SQOR: variants seen among roughly 807,000 people sequenced by gnomAD.
SQOR encodes the protein sulfide:quinone oxidoreductase, mitochondrial.
A neutral mutation model predicts 48.6 loss-of-function variants in SQOR; 39 were observed. The ratio of observed to expected loss-of-function variants is 0.80; its 90% confidence interval spans 0.62 to 1.05. The LOEUF (loss-of-function observed/expected upper bound fraction) is 1.05, where lower values mean the gene tolerates loss of function less well. SQOR is among the 50% of genes least tolerant of loss of function. The pLI is 0.00. For missense variants in SQOR, 561 were observed against 559.9 expected, an observed-to-expected ratio of 1.00 and a Z score of -0.02; for synonymous variants, 220 against 206.2, an observed-to-expected ratio of 1.07 and a Z score of -0.57.
At chr15:45,665,520 G>A (rs2140951432) in intron 3 of SQOR, among the ~76,000 whole-genome samples, 1 of 129,832 alleles carries the variant, frequency 7.7e-6, no homozygotes, top group South Asian at 3.0e-4. Context: ...TTTTTAGATT[G>A]CACAAAATTA....
intron 1 of SQOR, among the ~76,000 whole-genome samples, chr15:45,656,925 C>T (rs1297439738): frequency 6.6e-6 from 1 of 152,048 alleles, no homozygotes; most frequent in Admixed American, 6.5e-5. Flanking sequence ...ATGGCTCAGC[C>T]TCCCTAGTAG....
chr15:45,654,201 A>G (rs147745199), intron 1 of SQOR, among the ~76,000 whole-genome samples: 2 of 151,970 alleles, frequency 1.3e-5, no homozygotes, highest in East Asian at 3.9e-4. Context: ...ACATTGCATC[A>G]TGCTCCACCT....
chr15:45,683,327 T>C (rs6493166), intron 7 of SQOR, among the ~76,000 whole-genome samples: 2 of 152,036 alleles, frequency 1.3e-5, no homozygotes, highest in African/African-American at 4.8e-5. Flanking sequence ...TCGAGGAGCA[T>C]TTGTTTTCCC....
intron 1 of SQOR, among the ~76,000 whole-genome samples, chr15:45,650,484 A>G (rs1196493461): frequency 7.2e-5 from 11 of 152,334 alleles, no homozygotes; most frequent in African/African-American, 2.4e-4. Flanking sequence ...GGGTAATGCC[A>G]GTGTGGACTC....
intron 1 of SQOR, among the ~76,000 whole-genome samples, chr15:45,654,693 G>C (rs1297727698): frequency 6.6e-6 from 1 of 152,066 alleles, no homozygotes; most frequent in East Asian, 1.9e-4. Flanking sequence ...AAGGAGTTTC[G>C]GAGTGGAGGT....
intron 4 of SQOR, among the ~76,000 whole-genome samples, chr15:45,670,220 A>G (rs1311933432): frequency 6.6e-6 from 1 of 152,256 alleles, no homozygotes; most frequent in Non-Finnish European, 1.5e-5. Flanking sequence ...TCATGCCTTA[A>G]TGATTAATTC....
intron 8 of SQOR, 83 bp downstream of exon 8, chr15:45,688,487 T>C: frequency 2.0e-6 from 2 of 1,010,344 alleles, no homozygotes; most frequent in African/African-American, 1.7e-5. Context: ...AATTTTGCAC[T>C]TTCTGTCTTT....
At chr15:45,655,162 T>C (rs536974634) in intron 1 of SQOR, among the ~76,000 whole-genome samples, 38 of 152,336 alleles carry the variant, frequency 2.5e-4, no homozygotes, top group African/African-American at 9.1e-4. Flanking sequence ...AGTAAATTTT[T>C]CTTAACTCTT....
chr15:45,650,328 C>G (rs1378159595), intron 1 of SQOR, among the ~76,000 whole-genome samples: 1 of 152,178 alleles, frequency 6.6e-6, no homozygotes, highest in Non-Finnish European at 1.5e-5. Context: ...GGGAGTGTTA[C>G]AGTTCTTAAA....
intron 1 of SQOR, among the ~76,000 whole-genome samples, chr15:45,640,528 C>G (rs1895086982): frequency 6.6e-6 from 1 of 152,172 alleles, no homozygotes; most frequent in Admixed American, 6.5e-5. Flanking sequence ...TCTGTCTCAA[C>G]TATTAAAGGA....
At chr15:45,683,435 C>A (rs1050025947) in intron 7 of SQOR, among the ~76,000 whole-genome samples, 1 of 152,318 alleles carries the variant, frequency 6.6e-6, no homozygotes, top group African/African-American at 2.4e-5. Flanking sequence ...ACGATTAAGG[C>A]CTCAGCCTGG....
At chr15:45,661,289 TTAAAAAAAA>T (rs1181848545) in intron 2 of SQOR, among the ~76,000 whole-genome samples, 1,188 of 84,396 alleles carry the variant, frequency 0.014, 37 homozygotes, top group African/African-American at 0.051. Flanking sequence ...AGACTCTGTC[TTAAAAAAAA>T]AAAAAAAAAA....
At chr15:45,646,123 G>A (rs943918171) in intron 1 of SQOR, 3 of 152,146 alleles carry the variant, frequency 2.0e-5, no homozygotes, top group African/African-American at 7.2e-5. Flanking sequence ...ATTGTATAGG[G>A]TTCAATGCCC....
At chr15:45,664,250 T>G (rs1889772640) in intron 3 of SQOR, among the ~76,000 whole-genome samples, 1 of 152,210 alleles carries the variant, frequency 6.6e-6, no homozygotes, top group Admixed American at 6.5e-5. Context: ...TTTTTTTGTA[T>G]TCTTTCTTGG....
chr15:45,670,035 ATGC>A (rs1397300937), intron 4 of SQOR, 54 bp downstream of exon 4: 2 of 1,519,914 alleles, frequency 1.3e-6, no homozygotes, highest in East Asian at 2.3e-5. Context: ...CCAAGAGCAA[ATGC>A]TGCATTTAGT....
intron 7 of SQOR, among the ~76,000 whole-genome samples, chr15:45,683,643 G>T (rs1203890898): frequency 6.6e-6 from 1 of 151,932 alleles, no homozygotes; most frequent in Non-Finnish European, 1.5e-5. Context: ...CAACCTCAAG[G>T]TAGACCATCT....
At chr15:45,689,437 AG>A in intron 9 of SQOR, 1 of 321,740 alleles carries the variant, frequency 3.1e-6, no homozygotes, top group Non-Finnish European at 5.5e-6. Context: ...TTTTTTTTTG[AG>A]ACAGAGTCTT....
At chr15:45,655,195 C>T (rs72715077) in intron 1 of SQOR, among the ~76,000 whole-genome samples, 13,804 of 152,256 alleles carry the variant, frequency 0.091, 758 homozygotes, top group Middle Eastern at 0.21. Flanking sequence ...GGCCAAATAA[C>T]CTCAGACAGG....
chr15:45,669,160 A>T lies in SQOR; in HGVS notation c.406-768A>T, dbSNP rs144360190. Reference sequence around the variant, plus strand: ...ACTAATATATATTTTTTATATATATATTTTTTATTTTTTTTTAATTTTTTT... The same window carrying T: ...ACTAATATATATTTTTTATATATATTTTTTTTATTTTTTTTTAATTTTTTT... On this transcript the variant is annotated intron_variant, in intron 3 of 9. Transcript: ENST00000260324. Among the ~76,000 whole-genome samples the T allele has an allele frequency of 6.4e-3, 929 of 145,264 alleles. 11 individuals are homozygous for T. The highest frequency in any genetic ancestry group is 0.021 in the African/African-American group (840 of 40,296).
Sources: allele counts gnomAD v4.1 joint callset (sites outside exome capture counted in the v4.1 genomes callset), GRCh38; gene constraint gnomAD v4.1.1; transcripts MANE v1.5; gene names NCBI Gene and HGNC (gene_info 2026-07-23, HGNC 2026-07-21).